The following GPRC5A variants were observed in gnomAD, a reference collection of about 807,000 sequenced individuals.
GPRC5A encodes the protein G protein-coupled receptor class C group 5 member A.
A neutral mutation model predicts 22.5 loss-of-function variants in GPRC5A; 19 were observed. The ratio of observed to expected loss-of-function variants is 0.85; its 90% CI spans 0.59 to 1.24. GPRC5A has a LOEUF of 1.24. Ranked by LOEUF, GPRC5A falls within the 50% of genes most tolerant of loss-of-function variation. GPRC5A has a pLI of 0.00. For synonymous variants in GPRC5A, 192 were observed against 184.5 expected (o/e 1.04, Z -0.33); for missense variants, 471 against 451.1 (o/e 1.04, Z -0.40).
In GPRC5A at chr12:12,917,632, T is replaced by A; in HGVS notation, c.*5093T>A. ...TGATTTCTCCTCTGGTCATCTCCTC[T>A]CCCTTCTGCGTGTAAGCCATGGGAA... On this transcript the variant is annotated 3_prime_UTR_variant, in exon 4 of 4. Coordinates refer to ENST00000014914, the MANE Select transcript of GPRC5A (RefSeq NM_003979.4). The A allele has an allele frequency of 6.6e-6, 1 of 152,312 alleles. No homozygotes were observed. Among genetic ancestry groups the A allele is most frequent in the South Asian group, 2.1e-4 (1 of 4,820 alleles). 9.4% of individuals were successfully genotyped at this position (152,312 alleles called of 1,614,324 possible).
At chr12:12,906,075 G>A (rs898280632) in intron 1 of GPRC5A, among the ~76,000 whole-genome samples, 7 of 152,112 alleles carry the variant, frequency 4.6e-5, no homozygotes, top group Non-Finnish European at 8.8e-5. Context: ...GAGGAGACAC[G>A]TAGAGTACTT....
At position 12,916,744 on chromosome 12, in the gene GPRC5A, A is replaced by G. The variant is rs1388300807; in HGVS notation, c.*4205A>G. ...TATGCTATTGTTGTTAACGTGGACT[A>G]GTATTTATGTGTTGAGAACACTGGC... On this transcript the variant is annotated 3_prime_UTR_variant, in exon 4 of 4. Transcript: ENST00000014914. The G allele has an allele frequency of 6.6e-6, 1 of 152,216 alleles. No individual in the cohort carries two copies. Among genetic ancestry groups the G allele is most frequent in the African/African-American group, 2.4e-5 (1 of 41,460 alleles). 9.4% of individuals were successfully genotyped at this position (152,216 alleles called of 1,614,324 possible). A position where few individuals can be genotyped will look rare whatever the true frequency, so the allele number is the denominator to read the frequency against.
In GPRC5A at chr12:12,914,594, T is replaced by TTTTC. The variant is rs1864042224; in HGVS notation, c.*2056_*2057insTTCT. 1 of 81,544 alleles carries TTTTC rather than the reference T, an allele frequency of 1.2e-5. No individual in the cohort carries two copies. The highest frequency in any genetic ancestry group is 6.4e-5 in the African/African-American group (1 of 15,530). 5.1% of individuals were successfully genotyped at this position (81,544 alleles called of 1,614,324 possible). Reference sequence around the variant, plus strand: ...TTTCTTTCTTTCTTTCTTTCTTTCTTTCTCTCTCTCTCTCTCTCTCTCTTT... The same window carrying TTTTC: ...TTTCTTTCTTTCTTTCTTTCTTTCTTTTTCTCTCTCTCTCTCTCTCTCTCTCTTT... On this transcript the variant is annotated 3_prime_UTR_variant, in exon 4 of 4. Coordinates refer to ENST00000014914, the MANE Select transcript of GPRC5A (RefSeq NM_003979.4).
chr12:12,910,328 G>A (rs1350467121), intron 2 of GPRC5A, among the ~76,000 whole-genome samples: 1 of 152,134 alleles, frequency 6.6e-6, no homozygotes, highest in East Asian at 1.9e-4. Flanking sequence ...TAACCACCCA[G>A]CCCCTCCTGT....
At chr12:12,905,354 C>G (rs959152901) in intron 1 of GPRC5A, among the ~76,000 whole-genome samples, 1 of 152,178 alleles carries the variant, frequency 6.6e-6, no homozygotes, top group Non-Finnish European at 1.5e-5. Context: ...GCGAGCCTTC[C>G]CTTCCTCTAA....
intron 1 of GPRC5A, among the ~76,000 whole-genome samples, chr12:12,900,122 G>A (rs564596734): frequency 1.3e-4 from 20 of 152,338 alleles, no homozygotes; most frequent in African/African-American, 2.9e-4. Flanking sequence ...TAGGGTCAGC[G>A]CTGCTCCAGG....
At chr12:12,905,904 G>A (rs1018229812) in intron 1 of GPRC5A, among the ~76,000 whole-genome samples, 7 of 152,202 alleles carry the variant, frequency 4.6e-5, no homozygotes, top group East Asian at 3.9e-4. Context: ...TGGATGGTCC[G>A]TTACCTGGGA....
At chr12:12,912,326 A>T in intron 3 of GPRC5A, 121 bp from the exon 4 acceptor site, 1 of 846,550 alleles carries the variant, frequency 1.2e-6, no homozygotes, top group Non-Finnish European at 2.0e-6. Flanking sequence ...TGGCATAGAG[A>T]GGACTTGGGG....
At chr12:12,892,804 A>G (rs578254530) in intron 1 of GPRC5A, among the ~76,000 whole-genome samples, 1 of 152,010 alleles carries the variant, frequency 6.6e-6, no homozygotes, top group South Asian at 2.1e-4. Flanking sequence ...TAAACACCAC[A>G]CCTGTTGAAG....
intron 1 of GPRC5A, among the ~76,000 whole-genome samples, chr12:12,899,095 C>T (rs1863853740): frequency 6.6e-6 from 1 of 152,122 alleles, no homozygotes; most frequent in Non-Finnish European, 1.5e-5. Flanking sequence ...ATGGCATGAT[C>T]ATAGTTCACT....
intron 1 of GPRC5A, among the ~76,000 whole-genome samples, chr12:12,903,506 T>A (rs1480634189): frequency 2.6e-5 from 4 of 152,150 alleles, no homozygotes; most frequent in Non-Finnish European, 5.9e-5. Context: ...AGACTGCTCT[T>A]GAATTCCTGG....
At chr12:12,896,754 G>T (rs965996304) in intron 1 of GPRC5A, among the ~76,000 whole-genome samples, 13 of 152,098 alleles carry the variant, frequency 8.5e-5, no homozygotes, top group Non-Finnish European at 1.3e-4. Context: ...GCCAGGCACG[G>T]TGCCTCACGC....
Position 12,891,569 on chromosome 12 carries a change from C to G in GPRC5A, c.-103C>G, listed in dbSNP as rs1223056025. On this transcript the variant is annotated 5_prime_UTR_variant, in exon 1 of 4. Coordinates refer to ENST00000014914, the MANE Select transcript of GPRC5A (RefSeq NM_003979.4). ...TGCTCAGAGTGCGAGGGCGGGATAGCTGTCCAAGGTCTCCCCCAGCACTGA... is the reference window on the plus strand; with the variant it reads ...TGCTCAGAGTGCGAGGGCGGGATAGGTGTCCAAGGTCTCCCCCAGCACTGA... The G allele has an allele frequency of 6.6e-6, 1 of 152,290 alleles. No individual in the cohort carries two copies. The highest frequency in any genetic ancestry group is 1.5e-5 in the Non-Finnish European group (1 of 68,088). The allele number at this position is 152,290 out of a possible 1,614,324, so 9.4% of individuals were successfully genotyped here. A position where few individuals can be genotyped will look rare whatever the true frequency, so the allele number is the denominator to read the frequency against.
chr12:12,905,645 T>C (rs1240553944), intron 1 of GPRC5A, among the ~76,000 whole-genome samples: 1 of 152,210 alleles, frequency 6.6e-6, no homozygotes, highest in Non-Finnish European at 1.5e-5. Context: ...GCCACCTGTT[T>C]TGAGGAAATG....
At position 12,909,056 on chromosome 12, in the gene GPRC5A, A is replaced by G. The variant is rs1456495806; in HGVS notation, c.807A>G (p.Thr269=). 1 of 1,610,060 alleles carries G rather than the reference A, an allele frequency of 6.2e-7. No individual in the cohort carries two copies. The highest frequency in any genetic ancestry group is 2.2e-5 in the East Asian group (1 of 44,866). Residue 269 remains threonine, a synonymous_variant, in exon 2 of 4, where the codon ACA becomes ACG. Transcript: ENST00000014914. ...TTAGTCCCGAGTTTTGGCTGCTCAC[A>G]AAGCAACGAAACCCCATGGATTATC... The part of the protein sequence containing the change: ...AYVSPEFWLL[T]KQRNPMDYPV...
In GPRC5A at chr12:12,915,788, T is replaced by C. The variant is rs1350862676; in HGVS notation, c.*3249T>C. ...ACCGTGGCCTCTGAAAGTGCTGGGA[T>C]TACAGGCATGAGCCACCGCGCCCGG... On this transcript the variant is annotated 3_prime_UTR_variant, in exon 4 of 4. Transcript: ENST00000014914. 2.0e-6 allele frequency: 1 copy of C among 490,278 alleles called. No individual in the cohort carries two copies. Among genetic ancestry groups the C allele is most frequent in the South Asian group, 1.5e-5 (1 of 66,852 alleles). 30.4% of individuals were successfully genotyped at this position (490,278 alleles called of 1,614,324 possible). A position where few individuals can be genotyped will look rare whatever the true frequency, so the allele number is the denominator to read the frequency against.
chr12:12,904,912 A>C (rs1863926053), intron 1 of GPRC5A, among the ~76,000 whole-genome samples: 1 of 139,428 alleles, frequency 7.2e-6, no homozygotes, highest in South Asian at 2.2e-4. Flanking sequence ...TTGAGATGGA[A>C]TCTCTCTCTG....
chr12:12,911,183 A>G (rs552143412), intron 2 of GPRC5A, among the ~76,000 whole-genome samples: 1 of 152,232 alleles, frequency 6.6e-6, no homozygotes, highest in African/African-American at 2.4e-5. Context: ...GATCTCTTAA[A>G]TAAAGGCGTT....
chr12:12,896,698 C>A (rs547140169), intron 1 of GPRC5A, among the ~76,000 whole-genome samples: 1 of 152,144 alleles, frequency 6.6e-6, no homozygotes, highest in African/African-American at 2.4e-5. Flanking sequence ...AGGGGGATAC[C>A]AACAAATAGA....
Sources: gnomAD v4.1 joint callset for allele counts (sites outside exome capture counted in the v4.1 genomes callset) on GRCh38, gnomAD v4.1.1 for gene constraint, MANE v1.5 for transcripts, NCBI Gene and HGNC (gene_info 2026-07-23, HGNC 2026-07-21) for gene names.